The following ZNF236 variants were observed in gnomAD, a reference collection of about 807,000 sequenced individuals.
ZNF236 encodes regulated by glucose.
In ZNF236, 50 loss-of-function variants were observed where a neutral mutation model predicts 191.2. That is an observed-to-expected ratio of 0.26 (90% CI 0.21 to 0.33). The LOEUF is 0.33. ZNF236 is among the 10% of genes least tolerant of loss of function. ZNF236 has a pLI of 1.00. For synonymous variants in ZNF236, 907 were observed against 928.8 expected, an observed-to-expected ratio of 0.98 and a Z score of 0.43; for missense variants, 1,754 against 2,374.5, an observed-to-expected ratio of 0.74 and a Z score of 5.43.
intron 26 of ZNF236, among the ~76,000 whole-genome samples, chr18:76,942,716 A>G (rs868118690): frequency 2.1e-4 from 32 of 149,076 alleles, no homozygotes; most frequent in Admixed American, 4.7e-4. Flanking sequence ...GGGTTTCACC[A>G]TGTCAGCCAG....
chr18:76,881,383 G>A lies in ZNF236; in HGVS notation c.1288G>A (p.Asp430Asn). ...KTSAPHAQNP[D>N]VSSVSNEQTD... Reference sequence around the variant, plus strand: ...CTCTGCACCACACGCTCAAAACCCAGATGTTTCCAGCGTTTCAAATGAGCA... The same window carrying A: ...CTCTGCACCACACGCTCAAAACCCAAATGTTTCCAGCGTTTCAAATGAGCA... Residue 430 changes from aspartate (D) to asparagine (N), a missense_variant, in exon 9 of 31, where the codon GAT (aspartate) becomes AAT (asparagine). Coordinates refer to ENST00000320610, the MANE Select transcript of ZNF236 (RefSeq NM_001306089.2). 1 of 1,614,026 alleles carries A rather than the reference G, an allele frequency of 6.2e-7. No homozygotes were observed. Among genetic ancestry groups the A allele is most frequent in the Non-Finnish European group, 8.5e-7 (1 of 1,180,036 alleles).
In ZNF236 at chr18:76,880,427, A is replaced by G. The variant is rs1976858504; in HGVS notation, c.1188+111A>G. The G allele has an allele frequency of 1.6e-5, 19 of 1,169,678 alleles. No individual in the cohort carries two copies. 72.5% of individuals were successfully genotyped at this position (1,169,678 alleles called of 1,614,324 possible). A position where few individuals can be genotyped will look rare whatever the true frequency, so the allele number is the denominator to read the frequency against. ...GGCTTGTCAAAGTCAGGGTATCCTC[A>G]TGAAAAATGTGCCTGAACCGAAAGA... On this transcript the variant is annotated intron_variant, in intron 8 of 30. Coordinates refer to ENST00000320610, the MANE Select transcript of ZNF236 (RefSeq NM_001306089.2). This position sits in a 1 kb window ranked among gnomAD's most constrained non-coding sequence, Gnocchi z 5.0.
chr18:76,947,450 A>T, intron 26 of ZNF236, 71 bp from the exon 27 acceptor site: 1 of 1,547,966 alleles, frequency 6.5e-7, no homozygotes, highest in African/African-American at 1.4e-5. Flanking sequence ...GCTGCACCAT[A>T]AAAGATCTTT....
At chr18:76,836,351 G>A (rs1407861794) in intron 1 of ZNF236, among the ~76,000 whole-genome samples, 1 of 151,932 alleles carries the variant, frequency 6.6e-6, no homozygotes, top group African/African-American at 2.4e-5. Context: ...CTCCCAAGTA[G>A]CTGGGACTAC....
rs534234079 is a variant in ZNF236, at chr18:76,958,888, A to T, written c.5113-799A>T. ...GCTGGAACACAGGCGGTCACATGGA[A>T]CACACACAGGAAACGTGTACTTTTC... On this transcript the variant is annotated intron_variant, in intron 28 of 30. Coordinates refer to ENST00000320610, the MANE Select transcript of ZNF236 (RefSeq NM_001306089.2). Among the ~76,000 whole-genome samples the T allele has an allele frequency of 3.9e-5, 6 of 152,364 alleles. No individual in the cohort carries two copies. The South Asian group carries it at 1.2e-3, about 32-fold the overall frequency.
intron 30 of ZNF236, among the ~76,000 whole-genome samples, chr18:76,966,048 C>A (rs762982991): frequency 6.6e-6 from 1 of 152,118 alleles, no homozygotes; most frequent in East Asian, 1.9e-4. Flanking sequence ...TCTCCTTGGG[C>A]GGGTCTTGCT....
chr18:76,956,635 A>G (rs771505364), intron 28 of ZNF236, among the ~76,000 whole-genome samples: 1 of 152,096 alleles, frequency 6.6e-6, no homozygotes. Flanking sequence ...CAGCCTCCCA[A>G]GGTTTAGCTG....
At position 76,863,841 on chromosome 18, in the gene ZNF236, A is replaced by T. The variant is rs541972118; in HGVS notation, c.364-4844A>T. On this transcript the variant is annotated intron_variant, in intron 3 of 30. Transcript: ENST00000320610. ...CTTACCCTTAAAGAATCACTGAAAGATCTCCAAACAGAAAGGAAATGACAC... is the reference window on the plus strand; with the variant it reads ...CTTACCCTTAAAGAATCACTGAAAGTTCTCCAAACAGAAAGGAAATGACAC... Among the ~76,000 whole-genome samples, 4 of 152,364 alleles carry T rather than the reference A, an allele frequency of 2.6e-5. No homozygotes were observed. In the South Asian group the frequency reaches 8.3e-4, roughly 32 times the overall value.
intron 1 of ZNF236, among the ~76,000 whole-genome samples, chr18:76,843,803 A>AAAAAAAAAAAAAG (rs71172383): frequency 0.012 from 770 of 62,086 alleles, 277 homozygotes; most frequent in Middle Eastern, 0.04. Flanking sequence ...AAAAAAAAAA[A>AAAAAAAAAAAAAG]AAGTAAAGAA....
intron 27 of ZNF236, among the ~76,000 whole-genome samples, chr18:76,950,792 A>G (rs1365981852): frequency 6.6e-6 from 1 of 152,252 alleles, no homozygotes; most frequent in Non-Finnish European, 1.5e-5. Flanking sequence ...GCCCAGATCC[A>G]TCATAGGAAT....
intron 30 of ZNF236, among the ~76,000 whole-genome samples, chr18:76,966,214 G>GAAA (rs1968770765): frequency 6.6e-6 from 1 of 152,144 alleles, no homozygotes; most frequent in South Asian, 2.1e-4. Flanking sequence ...CTGTCCCTTT[G>GAAA]AGTCGGAGGT....
chr18:76,899,204 A>G lies in ZNF236; in HGVS notation c.1876A>G (p.Ile626Val), dbSNP rs1977519975. The G allele has an allele frequency of 2.5e-6, 4 of 1,613,810 alleles. No individual in the cohort carries two copies. Among genetic ancestry groups the G allele is most frequent in the South Asian group, 1.1e-5 (1 of 91,072 alleles). The change falls in exon 11 of 31, where the codon ATC (isoleucine) becomes GTC (valine). Residue 626 changes from isoleucine (I) to valine (V), a missense_variant. By Grantham distance (29) the Ile-to-Val change is conservative. Transcript: ENST00000320610. The stretch of plus-strand genomic sequence containing the variant: ...CCCTGATATTCCTTTGCAGGAACCA[A>G]TCCTCATAACTGACTTAGGTAAGAT... ...PVPDIPLQEP[I>V]LITDLGLIQP...
At position 76,877,893 on chromosome 18, in the gene ZNF236, GT is replaced by G. The variant is rs1389922915; in HGVS notation, c.841-114del. 4 of 795,004 alleles carry G rather than the reference GT, an allele frequency of 5.0e-6. No individual in the cohort carries two copies. The African/African-American group carries it at 6.9e-5, about 14-fold the overall frequency. The allele number at this position is 795,004 out of a possible 1,614,324, so 49.2% of individuals were successfully genotyped here. ...AAAAGAAAAAAGGTAATGTTGAAGG[GT>G]TAGATTATTTCTGTCATTTTGAATG... On this transcript the variant is annotated intron_variant, in intron 6 of 30. Coordinates refer to ENST00000320610, the MANE Select transcript of ZNF236 (RefSeq NM_001306089.2).
chr18:76,915,935 G>T, intron 19 of ZNF236, 76 bp downstream of exon 19: 1 of 1,418,820 alleles, frequency 7.0e-7, no homozygotes, highest in Non-Finnish European at 9.8e-7. Flanking sequence ...AAATCACCGT[G>T]AGTATTTTGA....
chr18:76,968,273 C>T lies in ZNF236; in HGVS notation c.5478C>T (p.Thr1826=). Residue 1826 remains threonine, a synonymous_variant, in exon 31 of 31, where the codon ACC becomes ACT. Transcript: ENST00000320610. ...PEQDGEELSR[T]LHLEEVVQEA... The stretch of plus-strand genomic sequence containing the variant: ...AGGACGGGGAGGAGCTGAGCCGGAC[C>T]CTCCACCTGGAGGAGGTGGTGCAGG... 4.3e-6 allele frequency: 7 copies of T among 1,611,550 alleles called. No homozygotes were observed. Among genetic ancestry groups the T allele is most frequent in the East Asian group, 2.2e-5 (1 of 44,828 alleles).
intron 2 of ZNF236, among the ~76,000 whole-genome samples, chr18:76,851,139 GTTTC>G (rs1189694747): frequency 6.8e-6 from 1 of 147,756 alleles, no homozygotes; most frequent in Non-Finnish European, 1.5e-5. Context: ...ATTAGAATAT[GTTTC>G]TTTCTCTATG....
intron 1 of ZNF236, among the ~76,000 whole-genome samples, chr18:76,829,637 T>C (rs879623882): frequency 2.0e-5 from 3 of 152,102 alleles, no homozygotes; most frequent in Non-Finnish European, 4.4e-5. Context: ...GGTTTATGAT[T>C]GCTAAGAGAA....
At chr18:76,876,677 A>G (rs1456022231) in intron 6 of ZNF236, among the ~76,000 whole-genome samples, 30 of 152,212 alleles carry the variant, frequency 2.0e-4, no homozygotes, top group Non-Finnish European at 2.9e-5. Flanking sequence ...TTAGTGAGGT[A>G]CTGAGGTTAC....
In ZNF236 at chr18:76,877,053, G is replaced by A. The variant is rs184601142; in HGVS notation, c.841-956G>A. Among the ~76,000 whole-genome samples, 472 of 152,262 alleles carry A rather than the reference G, an allele frequency of 3.1e-3. 9 individuals are homozygous for A. The highest frequency in any genetic ancestry group is 1.4e-3 in the Non-Finnish European group (96 of 68,010). ...CAGAATGGAAGTCTTACTCAAGTTC[G>A]GAAGGGGCCAATGGGTTTTCAAGCT... On this transcript the variant is annotated intron_variant, in intron 6 of 30. Coordinates refer to ENST00000320610, the MANE Select transcript of ZNF236 (RefSeq NM_001306089.2).
Sources: allele counts gnomAD v4.1 joint callset (sites outside exome capture counted in the v4.1 genomes callset), GRCh38; gene constraint gnomAD v4.1.1; non-coding constraint Gnocchi (gnomAD v3.1); transcripts MANE v1.5; gene names NCBI Gene and HGNC (gene_info 2026-07-23, HGNC 2026-07-21).